Variants in OSBPL11 observed in about 807,000 individuals in gnomAD.
OSBPL11 encodes the protein oxysterol-binding protein-related protein 11.
OSBPL11 carries 33 observed loss-of-function variants against 84.4 expected under a neutral mutation model. That is an observed-to-expected ratio of 0.39 (90% confidence interval 0.30 to 0.52). The LOEUF (loss-of-function observed/expected upper bound fraction) is 0.52. OSBPL11 is among the 20% of genes least tolerant of loss of function. The pLI, the probability that OSBPL11 is intolerant of heterozygous loss-of-function variation, is 0.72. For missense variants in OSBPL11, 736 were observed against 901.1 expected, an observed-to-expected ratio of 0.82 and a Z score of 2.35; for synonymous variants, 276 against 310.2, an observed-to-expected ratio of 0.89 and a Z score of 1.16.
At chr3:125,582,107 G>T (rs1936436478) in intron 2 of OSBPL11, among the ~76,000 whole-genome samples, 1 of 152,010 alleles carries the variant, frequency 6.6e-6, no homozygotes, top group African/African-American at 2.4e-5. Context: ...GGCCAAGACG[G>T]GTAGATCACC....
intron 8 of OSBPL11, among the ~76,000 whole-genome samples, chr3:125,556,811 A>G (rs1199258387): frequency 6.6e-6 from 1 of 152,232 alleles, no homozygotes; most frequent in East Asian, 1.9e-4. Flanking sequence ...TAATTAACAC[A>G]CAAGTCAAGT....
At chr3:125,579,263 A>G (rs1244955906) in intron 3 of OSBPL11, among the ~76,000 whole-genome samples, 1 of 152,194 alleles carries the variant, frequency 6.6e-6, no homozygotes, top group Non-Finnish European at 1.5e-5. Context: ...AATTACATGC[A>G]GTGAGGTGAG....
intron 5 of OSBPL11, among the ~76,000 whole-genome samples, chr3:125,571,212 T>C (rs1296903199): frequency 6.6e-6 from 1 of 152,156 alleles, no homozygotes; most frequent in East Asian, 1.9e-4. Context: ...ACTTTGAACT[T>C]GAGAGAGATG....
intron 2 of OSBPL11, among the ~76,000 whole-genome samples, chr3:125,581,695 CAAAAAAA>C (rs1189619626): frequency 3.9e-4 from 25 of 63,830 alleles, no homozygotes; most frequent in South Asian, 2.5e-3. Context: ...GACTCCATCT[CAAAAAAA>C]AAAAAAAAAA....
chr3:125,591,814 C>T (rs374818491), intron 1 of OSBPL11, among the ~76,000 whole-genome samples: 1 of 152,194 alleles, frequency 6.6e-6, no homozygotes, highest in South Asian at 2.1e-4. Context: ...TGAGCCTGGG[C>T]AACATCGCAA....
chr3:125,593,024 C>A (rs1936621868), intron 1 of OSBPL11, among the ~76,000 whole-genome samples: 1 of 152,126 alleles, frequency 6.6e-6, no homozygotes, highest in Admixed American at 6.6e-5. Context: ...AAATTAAAAA[C>A]CATTGTGCTG....
At chr3:125,591,246 A>G (rs942800609) in intron 1 of OSBPL11, among the ~76,000 whole-genome samples, 7 of 152,228 alleles carry the variant, frequency 4.6e-5, no homozygotes, top group African/African-American at 1.7e-4. Flanking sequence ...TGAGTCTATT[A>G]TATTAACTGC....
intron 10 of OSBPL11, among the ~76,000 whole-genome samples, chr3:125,540,746 G>A (rs1171850124): frequency 1.3e-5 from 2 of 152,134 alleles, no homozygotes; most frequent in East Asian, 3.8e-4. Context: ...GCTTTCCAAT[G>A]GACAATCTTA....
intron 5 of OSBPL11, among the ~76,000 whole-genome samples, chr3:125,570,788 T>C (rs554652794): frequency 7.2e-5 from 11 of 152,310 alleles, no homozygotes; most frequent in African/African-American, 2.6e-4. Flanking sequence ...CCCAGCCATG[T>C]GGAACTGTAA....
intron 2 of OSBPL11, among the ~76,000 whole-genome samples, chr3:125,582,641 C>T (rs1580062563): frequency 6.6e-6 from 1 of 152,202 alleles, no homozygotes; most frequent in East Asian, 1.9e-4. Context: ...CTAACTTCTG[C>T]AAGTATACAA....
chr3:125,572,006 C>T (rs9813114), intron 5 of OSBPL11, among the ~76,000 whole-genome samples: 16,480 of 152,300 alleles, frequency 0.11, 1,056 homozygotes, highest in South Asian at 0.17. Flanking sequence ...AATGCCAGCC[C>T]GTGAAAGCAG....
chr3:125,563,934 A>C, intron 6 of OSBPL11, 91 bp from the exon 7 acceptor site: 1 of 1,464,528 alleles, frequency 6.8e-7, no homozygotes, highest in Admixed American at 2.0e-5. Flanking sequence ...TTTTGAGCCT[A>C]CAAGCCTAAA....
At chr3:125,573,639 G>A (rs908533945) in intron 5 of OSBPL11, among the ~76,000 whole-genome samples, 4 of 152,054 alleles carry the variant, frequency 2.6e-5, no homozygotes, top group African/African-American at 9.7e-5. Flanking sequence ...GAGGCGGGTG[G>A]ATCACCTGAG....
At chr3:125,547,186 C>T (rs1421235636) in intron 10 of OSBPL11, among the ~76,000 whole-genome samples, 1 of 152,182 alleles carries the variant, frequency 6.6e-6, no homozygotes, top group African/African-American at 2.4e-5. Context: ...TCACTAGTTA[C>T]TTCATCAGGA....
At chr3:125,570,028 T>C (rs755045854) in intron 5 of OSBPL11, among the ~76,000 whole-genome samples, 31 of 152,182 alleles carry the variant, frequency 2.0e-4, no homozygotes, top group Admixed American at 3.3e-4. Context: ...TTCTATAGTA[T>C]GTTATAAGCC....
chr3:125,571,425 A>G (rs1936240090), intron 5 of OSBPL11, among the ~76,000 whole-genome samples: 1 of 152,204 alleles, frequency 6.6e-6, no homozygotes, highest in Non-Finnish European at 1.5e-5. Flanking sequence ...AGTAACTAGG[A>G]GCTGAATGTT....
At chr3:125,593,647 T>C (rs370997535) in intron 1 of OSBPL11, among the ~76,000 whole-genome samples, 39 of 152,176 alleles carry the variant, frequency 2.6e-4, no homozygotes, top group Middle Eastern at 3.4e-3. Flanking sequence ...TATAATCTTC[T>C]ATACTTCACT....
intron 8 of OSBPL11, among the ~76,000 whole-genome samples, chr3:125,558,042 C>T (rs1344309277): frequency 4.6e-5 from 7 of 152,092 alleles, no homozygotes; most frequent in Admixed American, 2.6e-4. Context: ...AATCCACCTG[C>T]CTTGGCCTCC....
intron 10 of OSBPL11, among the ~76,000 whole-genome samples, chr3:125,543,741 A>T (rs956100550): frequency 1.3e-5 from 2 of 152,010 alleles, no homozygotes; most frequent in African/African-American, 4.8e-5. Context: ...TCTCTACTAA[A>T]AATACAAAAA....
Sources: gnomAD v4.1 joint callset for allele counts (sites outside exome capture counted in the v4.1 genomes callset) on GRCh38, gnomAD v4.1.1 for gene constraint, MANE v1.5 for transcripts, NCBI Gene and HGNC (gene_info 2026-07-23, HGNC 2026-07-21) for gene names.